The following POLR2B variants were observed in gnomAD, a reference collection of about 807,000 sequenced individuals.
POLR2B encodes the protein DNA-directed RNA polymerase II subunit RPB2.
POLR2B carries 57 observed loss-of-function variants against 144.6 expected under a neutral mutation model. That is an observed-to-expected ratio of 0.39 (90% CI 0.32 to 0.49). The LOEUF is 0.49. Ranked by LOEUF, POLR2B falls within the 20% of genes least tolerant of loss-of-function variation. The pLI is 0.83. For missense variants in POLR2B, 595 were observed against 1,467.4 expected, an observed-to-expected ratio of 0.41 and a Z score of 9.71; for synonymous variants, 442 against 469.8, an observed-to-expected ratio of 0.94 and a Z score of 0.77.
intron 22 of POLR2B, 126 bp from the exon 23 acceptor site, chr4:57,025,251 G>T: frequency 1.3e-6 from 1 of 770,708 alleles, no homozygotes; most frequent in South Asian, 1.9e-5. Context: ...TCTCTTAATT[G>T]CTAACATTAT....
chr4:57,010,180 C>A, intron 10 of POLR2B, 181 bp from the exon 11 acceptor site: 1 of 565,044 alleles, frequency 1.8e-6, no homozygotes, highest in Non-Finnish European at 3.1e-6. Flanking sequence ...ATATATTTGC[C>A]ATCCCTGCTG....
rs758607456 is a variant in POLR2B at position 56,990,857 on chromosome 4, C to G, written c.202C>G (p.Gln68Glu). 13 of 1,613,510 alleles carry G rather than the reference C, an allele frequency of 8.1e-6. No individual in the cohort carries two copies. Among genetic ancestry groups the G allele is most frequent in the Non-Finnish European group, 1.1e-5 (13 of 1,179,668 alleles). ...GGAAGACGCTCCTCCTATAGACCTA[C>G]AGGCTGAAGCTCAGCATGCTAGTGG... is the stretch of plus-strand genomic sequence containing the variant. ...IVEDAPPIDL[Q>E]AEAQHASGEV... is the part of the protein sequence containing the mutation. Residue 68 changes from glutamine (Q) to glutamate (E), a missense_variant, in exon 3 of 25, where the codon CAG becomes GAG. Gln to Glu is a conservative substitution (Grantham distance 29). Coordinates refer to ENST00000314595, the MANE Select transcript of POLR2B (RefSeq NM_000938.3).
At position 57,006,982 on chromosome 4, in the gene POLR2B, G is replaced by A; in HGVS notation, c.1384G>A (p.Ala462Thr). Reference sequence around the variant, plus strand: ...GGGTGATCAAAAGAAAGCTCATCAAGCCAGAGCTGGAGTATCTCAGGTAAG... The same window carrying A: ...GGGTGATCAAAAGAAAGCTCATCAAACCAGAGCTGGAGTATCTCAGGTAAG... ...NWGDQKKAHQ[A>T]RAGVSQVLNR... is the part of the protein sequence containing the mutation. Residue 462 changes from alanine (A) to threonine (T), a missense_variant, in exon 10 of 25, where the codon GCC becomes ACC. Around this residue, in one of 9 missense-constraint regions of POLR2B, gnomAD observed 251 missense variants for 567.3 expected, o/e 0.44. Transcript: ENST00000314595. The A allele has an allele frequency of 1.2e-6, 2 of 1,613,640 alleles. No individual in the cohort carries two copies. Among genetic ancestry groups the A allele is most frequent in the Non-Finnish European group, 1.7e-6 (2 of 1,179,632 alleles).
At chr4:56,979,933 G>C (rs1373052201) in intron 1 of POLR2B, among the ~76,000 whole-genome samples, 9 of 151,368 alleles carry the variant, frequency 5.9e-5, no homozygotes, top group African/African-American at 2.2e-4. Context: ...TGAGTCTAGT[G>C]TATTTTCGTA....
intron 13 of POLR2B, 79 bp from the exon 14 acceptor site, chr4:57,015,423 T>C (rs1172213999): frequency 2.8e-6 from 2 of 707,060 alleles, no homozygotes; most frequent in Non-Finnish European, 2.1e-6. Flanking sequence ...TTAGTAGGAT[T>C]TGTATTGTAT....
At chr4:56,996,790 C>T (rs182057532) in intron 6 of POLR2B, among the ~76,000 whole-genome samples, 36 of 152,016 alleles carry the variant, frequency 2.4e-4, no homozygotes, top group African/African-American at 8.2e-4. Flanking sequence ...ACACACAATC[C>T]TTATTGAGAA....
chr4:57,020,748 A>G (rs17087382), intron 16 of POLR2B, 151 bp from the exon 17 acceptor site: 51,795 of 682,380 alleles, frequency 0.076, 2,514 homozygotes, highest in African/African-American at 0.17. Context: ...ACAGATTGCT[A>G]TTCCAGGAGG....
intron 18 of POLR2B, among the ~76,000 whole-genome samples, chr4:57,022,862 C>T (rs1004052698): frequency 6.6e-6 from 1 of 152,116 alleles, no homozygotes; most frequent in Non-Finnish European, 1.5e-5. Context: ...CATTGGGTGG[C>T]TCTGTGTAGT....
At chr4:57,027,980 C>T (rs1407694889) in intron 23 of POLR2B, among the ~76,000 whole-genome samples, 1 of 152,200 alleles carries the variant, frequency 6.6e-6, no homozygotes, top group African/African-American at 2.4e-5. Flanking sequence ...TTGCTTGAAG[C>T]TCACAATTTT....
chr4:57,004,017 A>T (rs10029737), intron 7 of POLR2B, among the ~76,000 whole-genome samples: 1,937 of 130,530 alleles, frequency 0.015, 40 homozygotes, highest in African/African-American at 0.051. Flanking sequence ...ATTTAAATTA[A>T]ATCTTTTTTT....
chr4:57,004,279 G>C (rs1722951069), intron 7 of POLR2B, among the ~76,000 whole-genome samples: 1 of 151,412 alleles, frequency 6.6e-6, no homozygotes, highest in African/African-American at 2.4e-5. Flanking sequence ...TTGAACTCCT[G>C]ACCTTGTGAT....
chr4:57,008,237 C>T (rs1420712752), intron 10 of POLR2B, among the ~76,000 whole-genome samples: 1 of 140,114 alleles, frequency 7.1e-6, no homozygotes, highest in African/African-American at 2.7e-5. Context: ...CAGAGTCTTG[C>T]TGTCTTGCCC....
rs1293884088 is a variant in POLR2B at position 57,021,002 on chromosome 4, A to G, written c.2420+7A>G. On this transcript the variant is annotated splice_region_variant and intron_variant, in intron 17 of 24. Transcript: ENST00000314595. ...TAGACCGCGGCTTCTTCAGGTTAGT[A>G]TTTTGTAAATTTGTCAAAACACAGA... 3 of 1,473,310 alleles carry G rather than the reference A, an allele frequency of 2.0e-6. No individual in the cohort carries two copies. The highest frequency in any genetic ancestry group is 2.9e-6 in the Non-Finnish European group (3 of 1,052,624). The allele number at this position is 1,473,310 out of a possible 1,614,324, so 91.3% of individuals were successfully genotyped here.
chr4:57,004,020 CTTTTTT>C (rs138828073), intron 7 of POLR2B, among the ~76,000 whole-genome samples: 3 of 72,334 alleles, frequency 4.1e-5, no homozygotes. Flanking sequence ...TAAATTAAAT[CTTTTTT>C]TTTTTTTTTT....
chr4:57,024,558 G>A (rs765255138), intron 21 of POLR2B, among the ~76,000 whole-genome samples: 1 of 152,082 alleles, frequency 6.6e-6, no homozygotes, highest in Non-Finnish European at 1.5e-5. Flanking sequence ...TTTCCTTTGA[G>A]CCATCTGAAG....
chr4:57,013,418 TAGAG>T (rs904607384), intron 13 of POLR2B, among the ~76,000 whole-genome samples: 10 of 152,290 alleles, frequency 6.6e-5, no homozygotes, highest in East Asian at 5.8e-4. Context: ...TATTTTTTAA[TAGAG>T]AGATTAAAAA....
intron 1 of POLR2B, 37 bp from the exon 2 acceptor site, chr4:56,986,317 C>T (rs772450098): frequency 1.7e-6 from 2 of 1,210,436 alleles, no homozygotes; most frequent in South Asian, 2.4e-5. Flanking sequence ...TAAGTGGCAT[C>T]TCATTGCAAA....
chr4:56,995,010 C>G (rs1722635838), intron 5 of POLR2B, 144 bp downstream of exon 5: 3 of 658,110 alleles, frequency 4.6e-6, no homozygotes, highest in Non-Finnish European at 7.6e-6. Context: ...GGTATGACAG[C>G]TAAACTTATA....
rs2109720202 is a variant in POLR2B, at chr4:57,025,380, C to T, written c.3082C>T (p.Leu1028=). Residue 1028 remains leucine (L), a synonymous_variant, in exon 23 of 25, where the codon CTG becomes TTG. Coordinates refer to ENST00000314595, the MANE Select transcript of POLR2B (RefSeq NM_000938.3). ...YGYHLRGNEV[L]YNGFTGRKIT... The stretch of plus-strand genomic sequence containing the variant: ...TCAAAATCTGTGTTTGTTGCAGGTC[C>T]TGTACAATGGGTTCACTGGTCGAAA... 2.5e-6 allele frequency: 4 copies of T among 1,612,264 alleles called. No homozygotes were observed. The East Asian group carries it at 8.9e-5, about 36-fold the overall frequency.
Sources: gnomAD v4.1 joint callset for allele counts (sites outside exome capture counted in the v4.1 genomes callset) on GRCh38, gnomAD v4.1.1 for gene constraint, gnomAD v4.1.1 regional missense constraint, MANE v1.5 for transcripts, NCBI Gene and HGNC (gene_info 2026-07-23, HGNC 2026-07-21) for gene names.